P2RY8: variants seen among roughly 807,000 people sequenced by gnomAD.
P2RY8 encodes the protein S-geranylgeranyl-glutathione receptor P2RY8.
In P2RY8, 6 loss-of-function variants were observed where a neutral mutation model predicts 10.0. The observed-to-expected ratio is 0.60, with a 90% CI of 0.33 to 1.19. P2RY8 has a LOEUF of 1.19. Among genes scored for constraint, P2RY8 ranks in the 50% most tolerant of loss-of-function variants. The pLI, the probability that P2RY8 is intolerant of heterozygous loss-of-function variation, is 0.04. For missense variants in P2RY8, 456 were observed against 542.0 expected, an observed-to-expected ratio of 0.84 and a Z score of 1.58; for synonymous variants, 276 against 252.5, an observed-to-expected ratio of 1.09 and a Z score of -0.88.
At chrX:1,484,724 TAAAA>T (rs1171758279) in intron 1 of P2RY8, among the ~76,000 whole-genome samples, 1 of 16,792 alleles carries the variant, frequency 6.0e-5, no homozygotes, top group Non-Finnish European at 1.1e-4. Flanking sequence ...CAAAACCCTG[TAAAA>T]AAAAAAAAAA....
At chrX:1,530,196 C>G (rs867669832) in intron 1 of P2RY8, among the ~76,000 whole-genome samples, 17 of 140,840 alleles carry the variant, frequency 1.2e-4, no homozygotes, top group African/African-American at 4.2e-4. Flanking sequence ...ATCTATCTAT[C>G]TATCTATCTA....
intron 1 of P2RY8, among the ~76,000 whole-genome samples, chrX:1,482,304 A>C (rs759147195): frequency 6.6e-6 from 1 of 151,886 alleles, no homozygotes; most frequent in Admixed American, 6.6e-5. Flanking sequence ...AAAAAAAAAA[A>C]AAAAACCCAA....
Position 1,465,359 on chromosome X carries a change from C to T in P2RY8, c.*120G>A. On this transcript the variant is annotated 3_prime_UTR_variant, in exon 2 of 2. Transcript: ENST00000381297. ...AGCCTGGAGACCCTTCCCCACCGGG[C>T]CTCTGCAGTGCCTGGGAGCAACGCA... 2 of 1,467,978 alleles carry T rather than the reference C, an allele frequency of 1.4e-6. No individual in the cohort carries two copies. Among genetic ancestry groups the T allele is most frequent in the Non-Finnish European group, 9.0e-7 (1 of 1,106,302 alleles). 90.9% of individuals were successfully genotyped at this position (1,467,978 alleles called of 1,614,324 possible).
intron 1 of P2RY8, among the ~76,000 whole-genome samples, chrX:1,524,406 CATG>C (rs2092415579): frequency 2.1e-5 from 1 of 47,688 alleles, no homozygotes; most frequent in Non-Finnish European, 4.8e-5. Flanking sequence ...TCCATCCATG[CATG>C]CATCCATCCA....
At chrX:1,473,529 A>C (rs1411688481) in intron 1 of P2RY8, among the ~76,000 whole-genome samples, 1 of 28,148 alleles carries the variant, frequency 3.6e-5, no homozygotes, top group Non-Finnish European at 1.0e-4. Context: ...GGATGGGTGG[A>C]TGGATGGGTG....
intron 1 of P2RY8, among the ~76,000 whole-genome samples, chrX:1,493,800 T>C (rs1460796826): frequency 6.6e-6 from 1 of 152,174 alleles, no homozygotes; most frequent in African/African-American, 2.4e-5. Context: ...TGCTCTTTTC[T>C]TGCGGCAACG....
intron 1 of P2RY8, among the ~76,000 whole-genome samples, chrX:1,485,637 ATATAT>A (rs1215202883): frequency 2.0e-5 from 3 of 148,006 alleles, no homozygotes; most frequent in African/African-American, 7.4e-5. Flanking sequence ...ATAATATTAC[ATATAT>A]TATTTATATA....
chrX:1,510,975 G>A (rs2092294266), intron 1 of P2RY8, among the ~76,000 whole-genome samples: 1 of 151,994 alleles, frequency 6.6e-6, no homozygotes, highest in South Asian at 2.1e-4. Flanking sequence ...TCAGGAGATT[G>A]AGACCATCCT....
chrX:1,502,379 G>C (rs560032366), intron 1 of P2RY8, among the ~76,000 whole-genome samples: 1 of 152,052 alleles, frequency 6.6e-6, no homozygotes, highest in South Asian at 2.1e-4. Flanking sequence ...CCCCCACTTC[G>C]AACACAGAGT....
At chrX:1,482,055 A>G (rs1429321700) in intron 1 of P2RY8, among the ~76,000 whole-genome samples, 3 of 151,994 alleles carry the variant, frequency 2.0e-5, no homozygotes, top group Non-Finnish European at 4.4e-5. Context: ...TGATTTCTGT[A>G]TCTCATTCTC....
chrX:1,477,263 CCT>C (rs1338144284), intron 1 of P2RY8, among the ~76,000 whole-genome samples: 1 of 151,974 alleles, frequency 6.6e-6, no homozygotes, highest in Non-Finnish European at 1.5e-5. Flanking sequence ...TGATCTAACC[CCT>C]GTCATCCATC....
rs760840880 is a variant in P2RY8, at chrX:1,465,786, A to G, written c.773T>C (p.Leu258Pro). Residue 258 changes from leucine to proline, a missense_variant, in exon 2 of 2, where the codon CTG (leucine) becomes CCG (proline). Coordinates refer to ENST00000381297, the MANE Select transcript of P2RY8 (RefSeq NM_178129.5). ...TCFAPNNFVL[L>P]AHIVSRLFYG... ...GAACAGGCGGCTCACGATGTGCGCCAGGAGCACGAAGTTGTTGGGGGCGAA... is the reference window on the plus strand; with the variant it reads ...GAACAGGCGGCTCACGATGTGCGCCGGGAGCACGAAGTTGTTGGGGGCGAA... 3 of 1,613,476 alleles carry G rather than the reference A, an allele frequency of 1.9e-6. No individual in the cohort carries two copies. The highest frequency in any genetic ancestry group is 3.3e-5 in the Admixed American group (2 of 60,018).
rs751056296 is a variant in P2RY8 at position 1,521,944 on chromosome X, CTTTTTTTTT to C, written c.-25+14968_-25+14976del. Among the ~76,000 whole-genome samples the C allele has an allele frequency of 4.4e-4, 17 of 39,032 alleles. 1 individual carries two copies. The East Asian group carries it at 0.011, about 26-fold the overall frequency. 25.6% of individuals were successfully genotyped at this position (39,032 alleles called of 152,430 possible). A position where few individuals can be genotyped will look rare whatever the true frequency, so the allele number is the denominator to read the frequency against. Reference sequence around the variant, plus strand: ...TGTCTTTCTCTTTCTCTCTCGCTCTCTTTTTTTTTTTTTTTTTTTTTTTTTGAGATGGAG... The same window carrying C: ...TGTCTTTCTCTTTCTCTCTCGCTCTCTTTTTTTTTTTTTTTTGAGATGGAG... On this transcript the variant is annotated intron_variant, in intron 1 of 1. Transcript: ENST00000381297.
chrX:1,465,059 T>C lies in P2RY8; in HGVS notation c.*420A>G, dbSNP rs1365347861. ...GAGGATATCCAGAAACCGAGTCGGG[T>C]AGGCGGTGGGGCTGGTTGAATATCC... On this transcript the variant is annotated 3_prime_UTR_variant, in exon 2 of 2. Coordinates refer to ENST00000381297, the MANE Select transcript of P2RY8 (RefSeq NM_178129.5). 3.8e-6 allele frequency: 1 copy of C among 262,776 alleles called. No homozygotes were observed. Among genetic ancestry groups the C allele is most frequent in the Non-Finnish European group, 7.3e-6 (1 of 137,466 alleles). The allele number at this position is 262,776 out of a possible 1,614,324, so 16.3% of individuals were successfully genotyped here.
At chrX:1,517,636 C>G (rs2092360811) in intron 1 of P2RY8, among the ~76,000 whole-genome samples, 1 of 152,118 alleles carries the variant, frequency 6.6e-6, no homozygotes, top group African/African-American at 2.4e-5. Context: ...GAGAAGAAGC[C>G]TGGTGTCAGG....
At chrX:1,522,157 G>A (rs1273019974) in intron 1 of P2RY8, among the ~76,000 whole-genome samples, 1 of 151,000 alleles carries the variant, frequency 6.6e-6, no homozygotes, top group Non-Finnish European at 1.5e-5. Context: ...GTTTCACCAT[G>A]TTAGCCAGGC....
At chrX:1,499,915 GT>G (rs1467710308) in intron 1 of P2RY8, among the ~76,000 whole-genome samples, 5 of 150,356 alleles carry the variant, frequency 3.3e-5, no homozygotes, top group Non-Finnish European at 7.4e-5. Flanking sequence ...CTGGAGTGCA[GT>G]GGTGTGATCT....
Position 1,465,152 on chromosome X carries a change from A to G in P2RY8, c.*327T>C. The stretch of plus-strand genomic sequence containing the variant: ...GGGGGTGACAGCCCAGCTCTACTAA[A>G]AAAAATACAAAAATTAGCCGGGCGT... On this transcript the variant is annotated 3_prime_UTR_variant, in exon 2 of 2. Transcript: ENST00000381297. 2.4e-6 allele frequency: 1 copy of G among 425,474 alleles called. No individual in the cohort carries two copies. Among genetic ancestry groups the G allele is most frequent in the Non-Finnish European group, 4.2e-6 (1 of 238,422 alleles). 26.4% of individuals were successfully genotyped at this position (425,474 alleles called of 1,614,324 possible).
intron 1 of P2RY8, among the ~76,000 whole-genome samples, chrX:1,520,707 A>T (rs1473097547): frequency 2.0e-5 from 3 of 151,748 alleles, no homozygotes; most frequent in Non-Finnish European, 2.9e-5. Flanking sequence ...CTGGTCTCCA[A>T]TATTCTGTCT....
Sources: allele counts gnomAD v4.1 joint callset (sites outside exome capture counted in the v4.1 genomes callset), GRCh38; gene constraint gnomAD v4.1.1; transcripts MANE v1.5; gene names NCBI Gene and HGNC (gene_info 2026-07-23, HGNC 2026-07-21).